The following STRN variants were observed in gnomAD, a reference collection of about 807,000 sequenced individuals.
STRN encodes the protein protein phosphatase 2 regulatory subunit B'''alpha.
In STRN, 53 loss-of-function variants were observed where a neutral mutation model predicts 96.3. The observed-to-expected ratio is 0.55, with a 90% CI of 0.44 to 0.69. STRN has a LOEUF of 0.69. Ranked by LOEUF, STRN falls within the 30% of genes least tolerant of loss-of-function variation. The pLI, the probability that STRN is intolerant of heterozygous loss-of-function variation, is 0.00. For missense variants in STRN, 987 were observed against 963.9 expected, an observed-to-expected ratio of 1.02 and a Z score of -0.32; for synonymous variants, 428 against 355.9, an observed-to-expected ratio of 1.20 and a Z score of -2.28.
At chr2:36,855,169 G>T in intron 15 of STRN, 43 bp downstream of exon 15, 2 of 1,594,028 alleles carry the variant, frequency 1.3e-6, no homozygotes, top group Non-Finnish European at 8.6e-7. Flanking sequence ...TTTTGATTAA[G>T]TTAAAAAAAT....
chr2:36,904,716 T>C (rs764472504), intron 4 of STRN, among the ~76,000 whole-genome samples: 3 of 152,178 alleles, frequency 2.0e-5, no homozygotes, highest in South Asian at 4.1e-4. Context: ...TAGTCCCAGC[T>C]ACCCGGGAGG....
At chr2:36,908,242 A>T (rs1265505897) in intron 3 of STRN, among the ~76,000 whole-genome samples, 1 of 152,200 alleles carries the variant, frequency 6.6e-6, no homozygotes, top group African/African-American at 2.4e-5. Context: ...GAATAGGGCT[A>T]AATCCTTTCT....
chr2:36,902,914 G>A, intron 4 of STRN, 163 bp from the exon 5 acceptor site: 1 of 471,694 alleles, frequency 2.1e-6, no homozygotes, highest in Non-Finnish European at 3.5e-6. Flanking sequence ...AGCTGCAGAT[G>A]GAGCTGTCTC....
Position 36,844,894 on chromosome 2 carries a change from C to T in STRN, c.*4562G>A, listed in dbSNP as rs1234335222. 1.3e-5 allele frequency: 2 copies of T among 152,052 alleles called. No individual in the cohort carries two copies. Among genetic ancestry groups the T allele is most frequent in the Admixed American group, 1.3e-4 (2 of 15,252 alleles). 9.4% of individuals were successfully genotyped at this position (152,052 alleles called of 1,614,324 possible). A position where few individuals can be genotyped will look rare whatever the true frequency, so the allele number is the denominator to read the frequency against. The stretch of plus-strand genomic sequence containing the variant: ...TTTCTGGGCCTTTCTCTAAAATGAA[C>T]TTTAGGGCTTGATACATTTCACAAA... On this transcript the variant is annotated 3_prime_UTR_variant, in exon 18 of 18. Transcript: ENST00000263918.
chr2:36,947,675 G>A (rs1193914485), intron 1 of STRN, among the ~76,000 whole-genome samples: 1 of 151,114 alleles, frequency 6.6e-6, no homozygotes, highest in East Asian at 1.9e-4. Context: ...GCACCAAGTG[G>A]GAGTTGGGAA....
chr2:36,962,799 C>T (rs149859836), intron 1 of STRN, among the ~76,000 whole-genome samples: 17 of 152,084 alleles, frequency 1.1e-4, no homozygotes, highest in Non-Finnish European at 1.8e-4. Flanking sequence ...TGAGCCACCG[C>T]GCCCGGCCTC....
chr2:36,869,081 C>T (rs1668700849), intron 11 of STRN, among the ~76,000 whole-genome samples: 1 of 152,054 alleles, frequency 6.6e-6, no homozygotes, highest in African/African-American at 2.4e-5. Flanking sequence ...ATGGAAAGTA[C>T]CTAAAGTCTC....
At position 36,839,997 on chromosome 2, in the gene STRN, A is replaced by C. The variant is rs969323662; in HGVS notation, c.*9459T>G. ...AATAAACATTGGTACAATTACTATA[A>C]AATCTTCAAGACAAAAACCAGCCTG... On this transcript the variant is annotated 3_prime_UTR_variant, in exon 18 of 18. Transcript: ENST00000263918. 1 of 152,174 alleles carries C rather than the reference A, an allele frequency of 6.6e-6. No individual in the cohort carries two copies. Among genetic ancestry groups the C allele is most frequent in the African/African-American group, 2.4e-5 (1 of 41,434 alleles). 9.4% of individuals were successfully genotyped at this position (152,174 alleles called of 1,614,324 possible). A position where few individuals can be genotyped will look rare whatever the true frequency, so the allele number is the denominator to read the frequency against.
intron 1 of STRN, among the ~76,000 whole-genome samples, chr2:36,947,346 G>A (rs1047590069): frequency 6.6e-6 from 1 of 151,746 alleles, no homozygotes; most frequent in African/African-American, 2.4e-5. Context: ...AAATCGAAAT[G>A]TCAAAATTTT....
chr2:36,850,876 G>T, intron 16 of STRN, 124 bp downstream of exon 16: 3 of 609,220 alleles, frequency 4.9e-6, no homozygotes, highest in Non-Finnish European at 8.5e-6. Flanking sequence ...AGACGGGAGA[G>T]TATTTGGGGT....
At chr2:36,957,241 A>G (rs2148276305) in intron 1 of STRN, among the ~76,000 whole-genome samples, 1 of 152,332 alleles carries the variant, frequency 6.6e-6, no homozygotes, top group East Asian at 1.9e-4. Flanking sequence ...TGTATTCACA[A>G]CCAAAATTCA....
chr2:36,891,809 G>C (rs1669407803), intron 7 of STRN, among the ~76,000 whole-genome samples: 1 of 152,168 alleles, frequency 6.6e-6, no homozygotes, highest in African/African-American at 2.4e-5. Context: ...TTATCTAGGA[G>C]AGTTTTCTTA....
At position 36,845,724 on chromosome 2, in the gene STRN, T is replaced by C. The variant is rs1668051206; in HGVS notation, c.*3732A>G. 6.6e-6 allele frequency: 1 copy of C among 152,142 alleles called. No homozygotes were observed. Among genetic ancestry groups the C allele is most frequent in the Non-Finnish European group, 1.5e-5 (1 of 68,028 alleles). 9.4% of individuals were successfully genotyped at this position (152,142 alleles called of 1,614,324 possible). On this transcript the variant is annotated 3_prime_UTR_variant, in exon 18 of 18. Coordinates refer to ENST00000263918, the MANE Select transcript of STRN (RefSeq NM_003162.4). Reference sequence around the variant, plus strand: ...ATTAAAGAATAGCTATTGTTTTCTCTACTGAAATTTCTAGGAATTCACATT... The same window carrying C: ...ATTAAAGAATAGCTATTGTTTTCTCCACTGAAATTTCTAGGAATTCACATT...
chr2:36,933,657 T>A (rs62132559), intron 1 of STRN, among the ~76,000 whole-genome samples: 13,394 of 152,060 alleles, frequency 0.088, 1,285 homozygotes, highest in East Asian at 0.52. Flanking sequence ...AGGGTTGGAG[T>A]GCAATGGCAC....
chr2:36,943,451 T>C (rs1364803178), intron 1 of STRN, among the ~76,000 whole-genome samples: 2 of 151,970 alleles, frequency 1.3e-5, no homozygotes, highest in Non-Finnish European at 2.9e-5. Context: ...TATGTTACAT[T>C]GTTCTAAGTA....
intron 2 of STRN, among the ~76,000 whole-genome samples, chr2:36,924,228 C>T (rs1356054857): frequency 2.0e-5 from 3 of 151,858 alleles, no homozygotes; most frequent in Non-Finnish European, 4.4e-5. Flanking sequence ...TGGTGGCGGG[C>T]ACCTGTAGTC....
chr2:36,900,459 T>C (rs74817253), intron 5 of STRN, among the ~76,000 whole-genome samples: 3,706 of 152,260 alleles, frequency 0.024, 77 homozygotes, highest in Non-Finnish European at 0.038. Context: ...AATGTGTACA[T>C]AAAGTTACTA....
At chr2:36,916,440 T>C (rs971204868) in intron 2 of STRN, among the ~76,000 whole-genome samples, 1 of 151,816 alleles carries the variant, frequency 6.6e-6, no homozygotes. Flanking sequence ...CTGGTTTCTG[T>C]AGTATTCAAA....
chr2:36,890,449 T>C (rs1259161137), intron 7 of STRN, among the ~76,000 whole-genome samples: 1 of 151,942 alleles, frequency 6.6e-6, no homozygotes, highest in South Asian at 2.1e-4. Context: ...AAAGTTACTA[T>C]TGTCAATATT....
Sources: allele counts gnomAD v4.1 joint callset (sites outside exome capture counted in the v4.1 genomes callset), GRCh38; gene constraint gnomAD v4.1.1; transcripts MANE v1.5; gene names NCBI Gene and HGNC (gene_info 2026-07-23, HGNC 2026-07-21).